AGMO: variants seen among roughly 807,000 people sequenced by gnomAD.
The protein encoded by AGMO is glyceryl-ether monooxygenase.
In AGMO, 75 loss-of-function variants were observed where a neutral mutation model predicts 60.2. That is an observed-to-expected ratio of 1.25 (90% CI 1.03 to 1.51). AGMO has a LOEUF of 1.51. Among genes scored for constraint, AGMO ranks in the 40% most tolerant of loss-of-function variants. The probability of loss-of-function intolerance (pLI) is 0.00; values close to 1 mark genes in which losing one functional copy is unlikely to be tolerated. For synonymous variants in AGMO, 261 were observed against 177.1 expected, an observed-to-expected ratio of 1.47 and a Z score of -3.76; for missense variants, 763 against 525.5, an observed-to-expected ratio of 1.45 and a Z score of -4.42.
chr7:15,118,902 T>A, the AGMO span, among the ~76,000 whole-genome samples: 1 of 65,788 alleles, frequency 1.5e-5, no homozygotes, highest in Non-Finnish European at 2.9e-5. Context: ...TTTTTTTTTT[T>A]TTTTTTTTTT....
chr7:15,315,328 C>A (rs1467212111), intron 12 of AGMO, among the ~76,000 whole-genome samples: 2 of 48,182 alleles, frequency 4.2e-5, no homozygotes, highest in Non-Finnish European at 7.8e-5. Context: ...TGGATATTTG[C>A]TTTTTTTTTT....
chr7:15,549,813 G>T (rs1371112996), intron 2 of AGMO, among the ~76,000 whole-genome samples: 3 of 151,488 alleles, frequency 2.0e-5, no homozygotes, highest in African/African-American at 7.3e-5. Flanking sequence ...TGCACCAAGC[G>T]GACCTAATAG....
intron 3 of AGMO, among the ~76,000 whole-genome samples, chr7:15,526,612 G>C (rs894443626): frequency 2.0e-5 from 3 of 152,126 alleles, no homozygotes; most frequent in Non-Finnish European, 4.4e-5. Context: ...GTGTTTTCCT[G>C]AGCCATGGTC....
At chr7:15,457,195 T>G (rs1347729434) in intron 3 of AGMO, among the ~76,000 whole-genome samples, 1 of 152,190 alleles carries the variant, frequency 6.6e-6, no homozygotes, top group African/African-American at 2.4e-5. Context: ...AAATACTGAT[T>G]CCTTTTGTAT....
At chr7:15,121,992 C>T in the AGMO span, among the ~76,000 whole-genome samples, 5 of 152,114 alleles carry the variant, frequency 3.3e-5, no homozygotes, top group Non-Finnish European at 7.4e-5. Flanking sequence ...AGGACATATG[C>T]ATGGACAAAG....
chr7:15,363,491 G>C (rs1051465304), intron 12 of AGMO, among the ~76,000 whole-genome samples: 2 of 152,170 alleles, frequency 1.3e-5, no homozygotes, highest in South Asian at 2.1e-4. Flanking sequence ...GCAAGACCAA[G>C]AATAGGTAAG....
chr7:15,233,579 G>T (rs1782323659), intron 12 of AGMO, among the ~76,000 whole-genome samples: 1 of 151,960 alleles, frequency 6.6e-6, no homozygotes, highest in Non-Finnish European at 1.5e-5. Flanking sequence ...TTGGATGATG[G>T]AAAAGTTTCG....
intron 10 of AGMO, among the ~76,000 whole-genome samples, chr7:15,377,564 T>G (rs191153398): frequency 6.6e-6 from 1 of 152,060 alleles, no homozygotes; most frequent in African/African-American, 2.4e-5. Flanking sequence ...AATGAGTAAG[T>G]CTCCATCTTT....
chr7:15,366,328 C>T (rs1017080889), intron 10 of AGMO, 106 bp from the exon 11 acceptor site: 1 of 684,586 alleles, frequency 1.5e-6, no homozygotes, highest in Non-Finnish European at 2.4e-6. Flanking sequence ...CCTGTTGCAC[C>T]ACTTGTCATT....
At chr7:15,163,766 T>G in the AGMO span, among the ~76,000 whole-genome samples, 7 of 138,084 alleles carry the variant, frequency 5.1e-5, no homozygotes, top group Non-Finnish European at 7.9e-5. Flanking sequence ...TCTGGGATAT[T>G]AGCCTACAGT....
intron 12 of AGMO, among the ~76,000 whole-genome samples, chr7:15,317,868 C>G (rs1386192031): frequency 7.0e-6 from 1 of 143,050 alleles, no homozygotes; most frequent in African/African-American, 2.6e-5. Flanking sequence ...CACACACACA[C>G]GTATATATAT....
intron 12 of AGMO, among the ~76,000 whole-genome samples, chr7:15,273,113 C>T (rs1228522646): frequency 1.3e-5 from 2 of 152,146 alleles, no homozygotes; most frequent in African/African-American, 4.8e-5. Flanking sequence ...TTTTGCTGTG[C>T]AGAAGCTCTT....
rs776364995 is a variant in AGMO, at chr7:15,365,638, A to G, written c.1158-19T>C. ...CTTGGGTCTGAAATAAAATGTCATT[A>G]ACATGCATTAGCTTTAAATATGCTC... On this transcript the variant is annotated intron_variant, in intron 11 of 12. Coordinates refer to ENST00000342526, the MANE Select transcript of AGMO (RefSeq NM_001004320.2). 1 of 1,533,804 alleles carries G rather than the reference A, an allele frequency of 6.5e-7. No homozygotes were observed. The highest frequency in any genetic ancestry group is 1.1e-5 in the South Asian group (1 of 89,024).
chr7:15,375,149 T>A (rs1203700222), intron 10 of AGMO, among the ~76,000 whole-genome samples: 1 of 152,082 alleles, frequency 6.6e-6, no homozygotes, highest in Admixed American at 6.6e-5. Context: ...GAGTCTGTTG[T>A]TAACATATTA....
At chr7:15,195,953 A>G (rs1391748480), downstream of AGMO, among the ~76,000 whole-genome samples, 1 of 151,938 alleles carries the variant, frequency 6.6e-6, no homozygotes, top group African/African-American at 2.4e-5. Flanking sequence ...TTCACTCTCC[A>G]GCTTGCTGAT....
chr7:15,551,427 T>G (rs1696230191), intron 2 of AGMO, among the ~76,000 whole-genome samples: 1 of 149,064 alleles, frequency 6.7e-6, no homozygotes, highest in African/African-American at 2.5e-5. Context: ...CCCCATTGTC[T>G]CAGCCCAAAA....
At chr7:15,502,984 C>T (rs1044443609) in intron 3 of AGMO, among the ~76,000 whole-genome samples, 3 of 152,100 alleles carry the variant, frequency 2.0e-5, no homozygotes, top group African/African-American at 7.2e-5. Context: ...CTGCCTTTAC[C>T]TGTCTACACC....
At chr7:15,450,638 C>A (rs1202256350) in intron 3 of AGMO, among the ~76,000 whole-genome samples, 5 of 152,056 alleles carry the variant, frequency 3.3e-5, no homozygotes, top group South Asian at 2.1e-4. Context: ...TATTCATAAT[C>A]ACAAACATAC....
At chr7:15,131,096 GAGGC>G in the AGMO span, among the ~76,000 whole-genome samples, 3 of 152,024 alleles carry the variant, frequency 2.0e-5, no homozygotes, top group East Asian at 5.8e-4. Flanking sequence ...TGTAAAACAG[GAGGC>G]AACTTTGGAA....
Sources: allele counts gnomAD v4.1 joint callset (sites outside exome capture counted in the v4.1 genomes callset), GRCh38; gene constraint gnomAD v4.1.1; transcripts MANE v1.5; gene names NCBI Gene and HGNC (gene_info 2026-07-23, HGNC 2026-07-21).